The following NALF1 variants were observed in gnomAD, a reference collection of about 807,000 sequenced individuals.
NALF1 encodes the protein family with sequence similarity 155 member A.
Under a neutral mutation model 48.4 loss-of-function variants are expected in NALF1, and 3 were observed. The ratio of observed to expected loss-of-function variants is 0.06; its 90% CI spans 0.03 to 0.16. NALF1 has a LOEUF of 0.16. Among genes scored for constraint, NALF1 ranks in the 10% least tolerant of loss-of-function variants. The pLI is 1.00. For missense variants in NALF1, 526 were observed against 571.5 expected (o/e 0.92, Z 0.81); for synonymous variants, 262 against 245.7 (o/e 1.07, Z -0.62).
chr13:107,299,075 T>C (rs2138890517), intron 1 of NALF1, among the ~76,000 whole-genome samples: 1 of 152,314 alleles, frequency 6.6e-6, no homozygotes, highest in Admixed American at 6.5e-5. Flanking sequence ...TTGACAGTTT[T>C]GATGAGCACT....
At chr13:107,757,636 TATACACACAC>T (rs933835919) in intron 1 of NALF1, among the ~76,000 whole-genome samples, 8 of 152,154 alleles carry the variant, frequency 5.3e-5, no homozygotes, top group African/African-American at 1.7e-4. Context: ...TGGTTATGTG[TATACACACAC>T]ATACACACAT....
At chr13:107,541,663 T>C (rs1877003203) in intron 1 of NALF1, among the ~76,000 whole-genome samples, 1 of 152,166 alleles carries the variant, frequency 6.6e-6, no homozygotes, top group Admixed American at 6.6e-5. Flanking sequence ...TGTGCAGGTG[T>C]CTGCATGTGC....
intron 1 of NALF1, among the ~76,000 whole-genome samples, chr13:107,579,505 G>A (rs1000331120): frequency 2.0e-5 from 3 of 152,214 alleles, no homozygotes; most frequent in African/African-American, 7.2e-5. Flanking sequence ...TCTGTTGTGA[G>A]AATCCAGGCC....
At chr13:107,228,955 C>T (rs1005250929) in intron 1 of NALF1, among the ~76,000 whole-genome samples, 1 of 151,916 alleles carries the variant, frequency 6.6e-6, no homozygotes, top group Non-Finnish European at 1.5e-5. Flanking sequence ...GATGCTTCTG[C>T]TTGTCTGCAT....
At chr13:107,551,349 A>G (rs1454991729) in intron 1 of NALF1, among the ~76,000 whole-genome samples, 1 of 152,144 alleles carries the variant, frequency 6.6e-6, no homozygotes, top group Non-Finnish European at 1.5e-5. Flanking sequence ...TGAAGTCGAT[A>G]ATCATATCTT....
At chr13:107,513,030 C>T (rs950366421) in intron 1 of NALF1, among the ~76,000 whole-genome samples, 1 of 152,186 alleles carries the variant, frequency 6.6e-6, no homozygotes, top group Non-Finnish European at 1.5e-5. Context: ...AACAGCACCA[C>T]TTGAATTCAC....
chr13:107,674,321 T>C (rs1429061424), intron 1 of NALF1, among the ~76,000 whole-genome samples: 2 of 152,172 alleles, frequency 1.3e-5, no homozygotes, highest in Non-Finnish European at 2.9e-5. Flanking sequence ...ACAAGCATGC[T>C]ATCAAGCATC....
chr13:107,823,409 C>T (rs1026457885), intron 1 of NALF1, among the ~76,000 whole-genome samples: 2 of 152,126 alleles, frequency 1.3e-5, no homozygotes. Flanking sequence ...ATTTGTTCTC[C>T]GTGCAAAATC....
At chr13:107,315,576 A>G (rs541938551) in intron 1 of NALF1, among the ~76,000 whole-genome samples, 5 of 152,036 alleles carry the variant, frequency 3.3e-5, no homozygotes, top group Non-Finnish European at 5.9e-5. Flanking sequence ...TTTCCAAGGT[A>G]CTTTGTTGGG....
intron 1 of NALF1, among the ~76,000 whole-genome samples, chr13:107,423,921 T>C (rs1884235251): frequency 6.6e-6 from 1 of 152,106 alleles, no homozygotes; most frequent in African/African-American, 2.4e-5. Context: ...TTGCAAGACA[T>C]TTTTTGCTGC....
intron 1 of NALF1, among the ~76,000 whole-genome samples, chr13:107,302,909 T>C (rs1295286623): frequency 6.6e-6 from 1 of 152,180 alleles, no homozygotes; most frequent in East Asian, 1.9e-4. Flanking sequence ...AAAACATTGT[T>C]AGCTTGAAGA....
rs780660921 is a variant in NALF1 at position 107,606,365 on chromosome 13, T to TTA, written c.915+259315_915+259316dup. ...ACACACATATGTATATCTTATTTAT[T>TTA]TATATATATATATATTTTGAGATGG... On this transcript the variant is annotated intron_variant, in intron 1 of 2. Transcript: ENST00000375915. 0.025 allele frequency among the ~76,000 whole-genome samples: 3,723 copies of TTA among 150,330 alleles called. 214 individuals are homozygous for TTA. The East Asian group carries it at 0.26, about 10-fold the overall frequency.
intron 1 of NALF1, among the ~76,000 whole-genome samples, chr13:107,244,423 T>C (rs1236286617): frequency 6.6e-6 from 1 of 152,256 alleles, no homozygotes; most frequent in Non-Finnish European, 1.5e-5. Context: ...AAGCATATTA[T>C]GAGTTGATTC....
intron 1 of NALF1, among the ~76,000 whole-genome samples, chr13:107,847,368 T>C (rs1400397265): frequency 6.6e-6 from 1 of 152,158 alleles, no homozygotes; most frequent in African/African-American, 2.4e-5. Context: ...GTGCAAACAG[T>C]CTTTAAGGTG....
chr13:107,204,646 T>C (rs1217262904), intron 2 of NALF1, among the ~76,000 whole-genome samples: 2 of 152,220 alleles, frequency 1.3e-5, no homozygotes, highest in Non-Finnish European at 2.9e-5. Flanking sequence ...GTACAATGTT[T>C]TAATGGAAGA....
chr13:107,225,618 G>GGGGGA (rs1880085835), intron 1 of NALF1, among the ~76,000 whole-genome samples: 1 of 152,054 alleles, frequency 6.6e-6, no homozygotes, highest in South Asian at 2.1e-4. Context: ...ACGAAATGGT[G>GGGGGA]GGGGATGGGG....
intron 1 of NALF1, among the ~76,000 whole-genome samples, chr13:107,412,408 TA>T (rs1884007791): frequency 6.6e-6 from 1 of 152,290 alleles, no homozygotes; most frequent in Non-Finnish European, 1.5e-5. Context: ...TGGTGTCCAC[TA>T]AAACCTTCAG....
chr13:107,760,362 C>T (rs1877230268), intron 1 of NALF1, among the ~76,000 whole-genome samples: 1 of 152,142 alleles, frequency 6.6e-6, no homozygotes, highest in Admixed American at 6.5e-5. Context: ...GGACAGACAA[C>T]ACAAGGAGGA....
At chr13:107,405,149 G>A (rs988762028) in intron 1 of NALF1, among the ~76,000 whole-genome samples, 1 of 151,970 alleles carries the variant, frequency 6.6e-6, no homozygotes, top group Admixed American at 6.6e-5. Context: ...CTATATGGCA[G>A]CCATTCAATT....
Sources: gnomAD v4.1 joint callset for allele counts (sites outside exome capture counted in the v4.1 genomes callset) on GRCh38, gnomAD v4.1.1 for gene constraint, MANE v1.5 for transcripts, NCBI Gene and HGNC (gene_info 2026-07-23, HGNC 2026-07-21) for gene names.